BRCC3: variants seen among roughly 807,000 people sequenced by gnomAD.
BRCC3 encodes BRCA1/BRCA2-containing complex subunit 3, also known as lys-63-specific deubiquitinase BRCC36.
Under a neutral mutation model 28.0 loss-of-function variants are expected in BRCC3, and 15 were observed. The observed-to-expected ratio is 0.54, with a 90% confidence interval of 0.36 to 0.82. The LOEUF is 0.82. BRCC3 is among the 40% of genes least tolerant of loss of function. The pLI is 0.01. For missense variants in BRCC3, 109 were observed against 225.9 expected (o/e 0.48, Z 3.32); for synonymous variants, 66 against 80.3 (o/e 0.82, Z 0.95).
intron 7 of BRCC3, among the ~76,000 whole-genome samples, chrX:155,108,916 G>A (rs1447416396): frequency 3.6e-5 from 4 of 111,256 alleles, no homozygotes; most frequent in Non-Finnish European, 7.6e-5. Flanking sequence ...GCTTTTTAGT[G>A]TCCTACACTA....
At chrX:155,084,948 C>T (rs11156588) in intron 5 of BRCC3, among the ~76,000 whole-genome samples, 12,563 of 111,211 alleles carry the variant, frequency 0.11, 1,170 homozygotes, top group African/African-American at 0.31. Context: ...CCAGCCTGAG[C>T]GACAAAGCAA....
rs183366074 is a variant in BRCC3, at chrX:155,108,037, C to T, written c.549-8020C>T. 2.8e-4 allele frequency among the ~76,000 whole-genome samples: 31 copies of T among 111,780 alleles called. No homozygotes were observed. The East Asian group carries it at 8.4e-3, about 30-fold the overall frequency. On this transcript the variant is annotated intron_variant, in intron 7 of 10. Transcript: ENST00000330045. ...GCTCCATGAATTTTTACAAGGTGAA[C>T]GCCTGTGAAACTGTACTACATATCA...
chrX:155,105,431 C>T (rs370671454), intron 7 of BRCC3, among the ~76,000 whole-genome samples: 8 of 111,274 alleles, frequency 7.2e-5, no homozygotes, highest in East Asian at 2.8e-4. Context: ...TGCAGTGAGC[C>T]GAGATTGTGC....
intron 9 of BRCC3, among the ~76,000 whole-genome samples, chrX:155,117,158 ATT>A (rs1557298916): frequency 2.7e-5 from 3 of 111,948 alleles, no homozygotes; most frequent in Non-Finnish European, 5.6e-5. Context: ...ACTTCTTGGA[ATT>A]TTAATAGTTG....
intron 7 of BRCC3, among the ~76,000 whole-genome samples, chrX:155,103,790 AC>A (rs1399787026): frequency 3.7e-5 from 4 of 108,277 alleles, no homozygotes; most frequent in Non-Finnish European, 7.7e-5. Flanking sequence ...ATATTTGGCC[AC>A]TTAATGTTAC....
At chrX:155,106,622 T>C (rs1207549725) in intron 7 of BRCC3, among the ~76,000 whole-genome samples, 1 of 112,780 alleles carries the variant, frequency 8.9e-6, no homozygotes, top group Non-Finnish European at 1.9e-5. Context: ...TCATAAGTGC[T>C]ATCAGAAATA....
At chrX:155,074,336 G>T (rs782111623) in intron 3 of BRCC3, among the ~76,000 whole-genome samples, 1 of 112,088 alleles carries the variant, frequency 8.9e-6, no homozygotes, top group African/African-American at 3.2e-5. Flanking sequence ...AAAAGAATGG[G>T]CTACAATTAC....
intron 9 of BRCC3, among the ~76,000 whole-genome samples, chrX:155,117,933 G>A (rs782474521): frequency 1.9e-3 from 208 of 111,061 alleles, no homozygotes; most frequent in Non-Finnish European, 3.2e-3. Flanking sequence ...CCATTTGGGG[G>A]AAAATAGATT....
chrX:155,091,469 A>G (rs12860416), intron 7 of BRCC3, among the ~76,000 whole-genome samples: 1 of 110,191 alleles, frequency 9.1e-6, no homozygotes, highest in African/African-American at 3.3e-5. Context: ...ATGGGGTTTC[A>G]CCATGTTGGC....
At chrX:155,099,420 G>A in intron 7 of BRCC3, 3 of 1,197,420 alleles carry the variant, frequency 2.5e-6, no homozygotes, top group Non-Finnish European at 3.4e-6. Flanking sequence ...CTGTCCCCCA[G>A]CTCAACTGAT....
chrX:155,088,411 T>C (rs2074149830), intron 5 of BRCC3, among the ~76,000 whole-genome samples: 1 of 104,469 alleles, frequency 9.6e-6, no homozygotes, highest in African/African-American at 3.5e-5. Flanking sequence ...TGGAGTGCAA[T>C]GGCACCATCT....
chrX:155,092,905 G>C (rs2074184089), intron 7 of BRCC3, among the ~76,000 whole-genome samples: 1 of 110,850 alleles, frequency 9.0e-6, no homozygotes, highest in Admixed American at 9.7e-5. Context: ...TCTGAGTTCT[G>C]CTTGTCTGAA....
chrX:155,118,437 T>C (rs2074370828), intron 9 of BRCC3, among the ~76,000 whole-genome samples: 1 of 111,377 alleles, frequency 9.0e-6, no homozygotes, highest in Non-Finnish European at 1.9e-5. Flanking sequence ...CGGAGGGTAT[T>C]GTTTGAGGGT....
chrX:155,095,261 G>T (rs940412014), intron 7 of BRCC3, among the ~76,000 whole-genome samples: 5 of 111,391 alleles, frequency 4.5e-5, no homozygotes, highest in Non-Finnish European at 9.4e-5. Context: ...AAAGAGTTAC[G>T]GTTAATTATT....
chrX:155,085,785 TGGCTTGAGCCTTGG>T (rs1454277563), intron 5 of BRCC3, among the ~76,000 whole-genome samples: 8 of 112,037 alleles, frequency 7.1e-5, no homozygotes, highest in African/African-American at 2.6e-4. Flanking sequence ...AGCAGGGTCT[TGGCTTGAGCCTTGG>T]GGCGGTTTAC....
chrX:155,075,239 T>G (rs1324352619), intron 3 of BRCC3, among the ~76,000 whole-genome samples: 1 of 54,840 alleles, frequency 1.8e-5, no homozygotes, highest in African/African-American at 3.2e-4. Context: ...AAGCCTTCTC[T>G]CAGATTTCAC....
intron 7 of BRCC3, among the ~76,000 whole-genome samples, chrX:155,109,034 G>A (rs1358930220): frequency 9.9e-5 from 11 of 111,570 alleles, no homozygotes; most frequent in Admixed American, 8.5e-4. Context: ...TGGGATGTGA[G>A]TTGACATTCC....
chrX:155,106,327 T>C (rs782586951), intron 7 of BRCC3, among the ~76,000 whole-genome samples: 122 of 112,439 alleles, frequency 1.1e-3, no homozygotes, highest in African/African-American at 3.7e-3. Context: ...ACTATTTCTG[T>C]ATGTAAATTT....
intron 7 of BRCC3, among the ~76,000 whole-genome samples, chrX:155,113,242 A>AATT (rs2074333723): frequency 9.4e-6 from 1 of 106,552 alleles, no homozygotes; most frequent in Admixed American, 1.0e-4. Context: ...AAAAAGAACC[A>AATT]ATTTGGGCAA....
Sources: allele counts gnomAD v4.1 joint callset (sites outside exome capture counted in the v4.1 genomes callset), GRCh38; gene constraint gnomAD v4.1.1; transcripts MANE v1.5; gene names NCBI Gene and HGNC (gene_info 2026-07-23, HGNC 2026-07-21).